RIC1: variants seen among roughly 807,000 people sequenced by gnomAD.
RIC1 encodes the protein guanine nucleotide exchange factor subunit RIC1.
RIC1 carries 88 observed loss-of-function variants against 169.0 expected under a neutral mutation model. The observed-to-expected ratio is 0.52, with a 90% CI of 0.44 to 0.62. RIC1 has a LOEUF of 0.62. RIC1 is among the 20% of genes least tolerant of loss of function. The pLI is 0.00. For missense variants in RIC1, 1,877 were observed against 1,725.5 expected (o/e 1.09, Z -1.56); for synonymous variants, 790 against 601.5 (o/e 1.31, Z -4.59).
At chr9:5,762,774 G>A (rs1826427796) in intron 18 of RIC1, 114 bp downstream of exon 18, 3 of 1,336,666 alleles carry the variant, frequency 2.2e-6, no homozygotes, top group Non-Finnish European at 3.0e-6. Context: ...GAGAAATTAA[G>A]TCCATAAAAT....
At chr9:5,641,976 A>G (rs1818275584) in intron 1 of RIC1, among the ~76,000 whole-genome samples, 2 of 143,602 alleles carry the variant, frequency 1.4e-5, no homozygotes, top group Admixed American at 6.8e-5. Flanking sequence ...TCTTGATTTG[A>G]TGCTTGTAGA....
intron 19 of RIC1, among the ~76,000 whole-genome samples, chr9:5,764,126 A>G (rs1291712466): frequency 6.6e-6 from 1 of 152,240 alleles, no homozygotes; most frequent in Non-Finnish European, 1.5e-5. Context: ...ATTTTAATAT[A>G]TTGAAGAAAT....
Position 5,763,750 on chromosome 9 carries a change from C to G in RIC1, c.2723C>G (p.Thr908Ser), listed in dbSNP as rs575082252. Residue 908 changes from threonine to serine, a missense_variant, in exon 19 of 26, where the codon ACC becomes AGC. Physicochemically the swap from Thr to Ser is moderately conservative, Grantham distance 58. Coordinates refer to ENST00000414202, the MANE Select transcript of RIC1 (RefSeq NM_020829.4). The surrounding 1 kb of genome is among the most constrained non-coding windows in gnomAD (Gnocchi z 5.2). Reference protein sequence around the residue: ...LQTVVHCARKTEYALWNYLFA... With the variant: ...LQTVVHCARKSEYALWNYLFA... ...ACAGTTGTCCATTGTGCCAGGAAGACCGAATATGCCCTGTGGAATTACCTT... is the reference window on the plus strand; with the variant it reads ...ACAGTTGTCCATTGTGCCAGGAAGAGCGAATATGCCCTGTGGAATTACCTT... The G allele has an allele frequency of 6.2e-7, 1 of 1,614,180 alleles. No homozygotes were observed. Among genetic ancestry groups the G allele is most frequent in the Non-Finnish European group, 8.5e-7 (1 of 1,180,016 alleles).
At chr9:5,703,372 C>T (rs1255965550) in intron 3 of RIC1, among the ~76,000 whole-genome samples, 2 of 152,166 alleles carry the variant, frequency 1.3e-5, no homozygotes, top group Non-Finnish European at 2.9e-5. Context: ...TCTCACATAG[C>T]ATTAAGTACA....
Position 5,776,035 on chromosome 9 carries a change from T to G in RIC1, c.*1789T>G, listed in dbSNP as rs1015274084. The G allele has an allele frequency of 1.3e-5, 2 of 152,172 alleles. No individual in the cohort carries two copies. The highest frequency in any genetic ancestry group is 2.9e-5 in the Non-Finnish European group (2 of 68,012). The allele number at this position is 152,172 out of a possible 1,614,324, so 9.4% of individuals were successfully genotyped here. A position where few individuals can be genotyped will look rare whatever the true frequency, so the allele number is the denominator to read the frequency against. ...TTTTGTGTTTGGTGTGAATATTCAGTCAATAAAAATGATTTACCATTATAA... is the reference window on the plus strand; with the variant it reads ...TTTTGTGTTTGGTGTGAATATTCAGGCAATAAAAATGATTTACCATTATAA... On this transcript the variant is annotated 3_prime_UTR_variant, in exon 26 of 26. Coordinates refer to ENST00000414202, the MANE Select transcript of RIC1 (RefSeq NM_020829.4).
At chr9:5,661,496 A>G (rs973491113) in intron 2 of RIC1, among the ~76,000 whole-genome samples, 2 of 152,002 alleles carry the variant, frequency 1.3e-5, no homozygotes, top group African/African-American at 2.4e-5. Flanking sequence ...TGTTCGTGTC[A>G]TCTGTCATTT....
At chr9:5,722,692 G>A (rs112582704) in intron 6 of RIC1, among the ~76,000 whole-genome samples, 1 of 152,040 alleles carries the variant, frequency 6.6e-6, no homozygotes, top group Non-Finnish European at 1.5e-5. Context: ...ATCTCCTAAT[G>A]CTATCCCTCC....
At chr9:5,768,672 G>C (rs1258694015) in intron 21 of RIC1, among the ~76,000 whole-genome samples, 1 of 152,100 alleles carries the variant, frequency 6.6e-6, no homozygotes, top group Non-Finnish European at 1.5e-5. Flanking sequence ...ATAGCATAGA[G>C]GTTTGCTGCC....
chr9:5,676,921 C>G (rs543052300), intron 2 of RIC1, among the ~76,000 whole-genome samples: 1 of 152,300 alleles, frequency 6.6e-6, no homozygotes, highest in South Asian at 2.1e-4. Flanking sequence ...TTTATCCATT[C>G]ATCTGTTGAT....
At chr9:5,688,003 A>G (rs1821356314) in intron 2 of RIC1, among the ~76,000 whole-genome samples, 2 of 152,048 alleles carry the variant, frequency 1.3e-5, no homozygotes, top group Admixed American at 1.3e-4. Flanking sequence ...CATCCAGCCA[A>G]TGTCTTTTTC....
Position 5,754,816 on chromosome 9 carries a change from T to G in RIC1, c.1603-25T>G, listed in dbSNP as rs776759939. ...ATAATTTCTGGTAGCATAAGGTAAA[T>G]TTTTTAAAAAATTTTTATTTTAAGG... On this transcript the variant is annotated intron_variant, in intron 14 of 25. Coordinates refer to ENST00000414202, the MANE Select transcript of RIC1 (RefSeq NM_020829.4). 4 of 1,467,938 alleles carry G rather than the reference T, an allele frequency of 2.7e-6. No homozygotes were observed. The South Asian group carries it at 5.5e-5, about 20-fold the overall frequency. 90.9% of individuals were successfully genotyped at this position (1,467,938 alleles called of 1,614,324 possible). A position where few individuals can be genotyped will look rare whatever the true frequency, so the allele number is the denominator to read the frequency against.
rs181473846 is a variant in RIC1 at position 5,653,513 on chromosome 9, G to A, written c.145-3070G>A. Among the ~76,000 whole-genome samples, 547 of 152,198 alleles carry A rather than the reference G, an allele frequency of 3.6e-3. 1 individual carries two copies. The highest frequency in any genetic ancestry group is 0.013 in the African/African-American group (534 of 41,530). ...TGTATTAAATCTGTATATCAAGTTG[G>A]GAAGAACTGACATATTGTGACAGTA... On this transcript the variant is annotated intron_variant, in intron 1 of 25. Coordinates refer to ENST00000414202, the MANE Select transcript of RIC1 (RefSeq NM_020829.4).
At chr9:5,697,008 C>T (rs748847617) in intron 3 of RIC1, among the ~76,000 whole-genome samples, 2 of 152,192 alleles carry the variant, frequency 1.3e-5, no homozygotes, top group Non-Finnish European at 2.9e-5. Flanking sequence ...TAGTCAGAAC[C>T]GAAATGTCTC....
At chr9:5,688,368 A>G (rs1187925185) in intron 2 of RIC1, among the ~76,000 whole-genome samples, 1 of 152,150 alleles carries the variant, frequency 6.6e-6, no homozygotes, top group Non-Finnish European at 1.5e-5. Context: ...GTTGTTTCTT[A>G]TCTCTCAAGG....
chr9:5,723,903 G>C (rs534190632), intron 6 of RIC1, among the ~76,000 whole-genome samples: 1 of 152,292 alleles, frequency 6.6e-6, no homozygotes, highest in African/African-American at 2.4e-5. Flanking sequence ...GCTCTGTTCT[G>C]TTCCATTGGT....
intron 3 of RIC1, among the ~76,000 whole-genome samples, chr9:5,698,945 G>A (rs1208506304): frequency 6.6e-6 from 1 of 152,156 alleles, no homozygotes; most frequent in African/African-American, 2.4e-5. Flanking sequence ...AACTTTAAGA[G>A]GTTGCCAAAA....
At chr9:5,713,757 G>T in intron 3 of RIC1, 139 bp from the exon 4 acceptor site, 1 of 518,602 alleles carries the variant, frequency 1.9e-6, no homozygotes, top group South Asian at 3.2e-5. Context: ...ATTTAAGTCT[G>T]TTTTTCATTT....
intron 1 of RIC1, among the ~76,000 whole-genome samples, chr9:5,631,475 CAA>C (rs1229102487): frequency 6.6e-6 from 1 of 152,012 alleles, no homozygotes; most frequent in Non-Finnish European, 1.5e-5. Context: ...TTCACGAGGT[CAA>C]GAGATCGAGA....
At chr9:5,676,654 T>G (rs1244402701) in intron 2 of RIC1, among the ~76,000 whole-genome samples, 1 of 152,188 alleles carries the variant, frequency 6.6e-6, no homozygotes, top group Non-Finnish European at 1.5e-5. Context: ...AAAAGAAATC[T>G]CACTGGCACT....
Sources: allele counts gnomAD v4.1 joint callset (sites outside exome capture counted in the v4.1 genomes callset), GRCh38; gene constraint gnomAD v4.1.1; non-coding constraint Gnocchi (gnomAD v3.1); transcripts MANE v1.5; gene names NCBI Gene and HGNC (gene_info 2026-07-23, HGNC 2026-07-21).